SCML2: variants seen among roughly 807,000 people sequenced by gnomAD.
The protein encoded by SCML2 is Scm polycomb group protein like 2, also known as sex comb on midleg-like protein 2.
In SCML2, 6 loss-of-function variants were observed where a neutral mutation model predicts 48.4. The observed-to-expected ratio is 0.12, with a 90% CI of 0.07 to 0.24. The LOEUF is 0.24. Among genes scored for constraint, SCML2 ranks in the 10% least tolerant of loss-of-function variants. SCML2 has a pLI of 1.00. For synonymous variants in SCML2, 181 were observed against 189.5 expected, an observed-to-expected ratio of 0.95 and a Z score of 0.37; for missense variants, 377 against 528.2, an observed-to-expected ratio of 0.71 and a Z score of 2.81.
At chrX:18,345,352 C>T (rs1472723732) in intron 1 of SCML2, among the ~76,000 whole-genome samples, 1 of 111,589 alleles carries the variant, frequency 9.0e-6, no homozygotes, top group African/African-American at 3.3e-5. Context: ...CTATAGGCTG[C>T]TTGTATCTAA....
intron 7 of SCML2, among the ~76,000 whole-genome samples, chrX:18,294,441 G>A (rs1045891727): frequency 1.8e-5 from 2 of 110,963 alleles, no homozygotes; most frequent in African/African-American, 6.6e-5. Context: ...GCCAGCCCTA[G>A]CCACAGAAAA....
chrX:18,336,030 C>A (rs1430432959), intron 1 of SCML2, among the ~76,000 whole-genome samples: 2 of 112,140 alleles, frequency 1.8e-5, no homozygotes, highest in African/African-American at 6.5e-5. Flanking sequence ...ATAGGATATA[C>A]AAATTAGATC....
At chrX:18,246,301 C>T (rs1026126718) in intron 13 of SCML2, among the ~76,000 whole-genome samples, 12 of 111,810 alleles carry the variant, frequency 1.1e-4, no homozygotes, top group Non-Finnish European at 5.6e-5. Flanking sequence ...AGACGGTACC[C>T]AAGGAAATGA....
chrX:18,245,833 G>A (rs1490395538), intron 13 of SCML2, among the ~76,000 whole-genome samples: 4 of 111,767 alleles, frequency 3.6e-5, no homozygotes, highest in South Asian at 3.8e-4. Flanking sequence ...TCTGCCTCCC[G>A]GGTTCAAGTG....
At chrX:18,250,661 G>A (rs751558279) in intron 11 of SCML2, among the ~76,000 whole-genome samples, 83 of 110,566 alleles carry the variant, frequency 7.5e-4, no homozygotes, top group Non-Finnish European at 1.4e-3. Flanking sequence ...GGGATTACAG[G>A]TGTGAGCCAC....
intron 1 of SCML2, among the ~76,000 whole-genome samples, chrX:18,347,576 A>C (rs781323275): frequency 6.2e-4 from 66 of 106,888 alleles, no homozygotes; most frequent in African/African-American, 2.2e-3. Flanking sequence ...ACATGGCAAA[A>C]CCCCGTCTGC....
At chrX:18,304,388 G>C (rs750201548) in intron 7 of SCML2, among the ~76,000 whole-genome samples, 1 of 111,499 alleles carries the variant, frequency 9.0e-6, no homozygotes, top group African/African-American at 3.3e-5. Flanking sequence ...ATATCTAGAA[G>C]ATCATAGTAC....
At chrX:18,331,044 G>A (rs1929638693) in intron 2 of SCML2, among the ~76,000 whole-genome samples, 1 of 109,607 alleles carries the variant, frequency 9.1e-6, no homozygotes, top group Non-Finnish European at 1.9e-5. Flanking sequence ...CAGATCACAT[G>A]AGGTCACGAG....
At chrX:18,246,963 G>T (rs1225682614) in intron 12 of SCML2, 135 bp from the exon 13 acceptor site, 1 of 625,178 alleles carries the variant, frequency 1.6e-6, no homozygotes, top group Non-Finnish European at 2.4e-6. Flanking sequence ...CTAACACAAA[G>T]TTCATGGCTA....
intron 1 of SCML2, among the ~76,000 whole-genome samples, chrX:18,342,026 A>C (rs1193899627): frequency 8.9e-6 from 1 of 112,110 alleles, no homozygotes. Flanking sequence ...CAGACAGCAC[A>C]GCTCTTTCTG....
At chrX:18,349,989 G>A (rs1055468305) in intron 1 of SCML2, among the ~76,000 whole-genome samples, 2 of 111,970 alleles carry the variant, frequency 1.8e-5, no homozygotes, top group East Asian at 2.8e-4. Context: ...TTGGCAGGGC[G>A]AGGTGGCTCA....
chrX:18,315,783 T>C (rs1929103239), intron 6 of SCML2, among the ~76,000 whole-genome samples: 1 of 111,876 alleles, frequency 8.9e-6, no homozygotes, highest in Non-Finnish European at 1.9e-5. Flanking sequence ...ACCTTCCTTG[T>C]TTTGCCTTTA....
intron 9 of SCML2, 70 bp from the exon 10 acceptor site, chrX:18,258,317 TAATC>T (rs1204197741): frequency 1.3e-6 from 1 of 796,701 alleles, no homozygotes; most frequent in African/African-American, 2.0e-5. Context: ...AAACACTACA[TAATC>T]AATTACTATA....
At chrX:18,324,582 T>A (rs972618219) in intron 4 of SCML2, among the ~76,000 whole-genome samples, 1 of 112,140 alleles carries the variant, frequency 8.9e-6, no homozygotes, top group Non-Finnish European at 1.9e-5. Flanking sequence ...TGGCTTTGGA[T>A]GTTCTCTCTG....
Position 18,315,691 on chromosome X carries a change from T to C in SCML2, c.486+4641A>G, listed in dbSNP as rs773516144. ...AAGAATACTCCTGCAAGGACATCTA[T>C]CCAGTAACCGTTCAACCCCAGATAC... On this transcript the variant is annotated intron_variant, in intron 6 of 14. Coordinates refer to ENST00000251900, the MANE Select transcript of SCML2 (RefSeq NM_006089.3). 3.6e-5 allele frequency among the ~76,000 whole-genome samples: 4 copies of C among 111,617 alleles called. No homozygotes were observed. In the East Asian group the frequency reaches 1.1e-3, roughly 31 times the overall value.
At chrX:18,341,143 A>C in intron 1 of SCML2, 1 of 227,736 alleles carries the variant, frequency 4.4e-6, no homozygotes, top group Non-Finnish European at 8.2e-6. Flanking sequence ...CTGGCAGGGA[A>C]TGCGGAAGGG....
At chrX:18,317,675 A>G (rs1160496601) in intron 6 of SCML2, among the ~76,000 whole-genome samples, 1 of 109,551 alleles carries the variant, frequency 9.1e-6, no homozygotes, top group Non-Finnish European at 1.9e-5. Context: ...TACTAAAAAA[A>G]TACAAAAAAT....
At chrX:18,271,658 C>T (rs1410390680) in intron 7 of SCML2, among the ~76,000 whole-genome samples, 3 of 109,594 alleles carry the variant, frequency 2.7e-5, no homozygotes, top group Non-Finnish European at 5.7e-5. Context: ...GAGATGCTCC[C>T]CCACCCCCCT....
In SCML2 at chrX:18,324,066, T is replaced by C; in HGVS notation, c.190A>G (p.Lys64Glu). 8.3e-7 allele frequency: 1 copy of C among 1,207,198 alleles called. No individual in the cohort carries two copies. The highest frequency in any genetic ancestry group is 1.1e-6 in the Non-Finnish European group (1 of 891,691). The part of the protein sequence containing the change: ...QSQIPPVNDF[K>E]VGMKLEARDP... ...CGGGCTTCCAATTTCATACCAACTT[T>C]GAAATCATTCACAGGTGGAATCTGA... Residue 64 changes from lysine to glutamate, a missense_variant, in exon 5 of 15, where the codon AAA (lysine) becomes GAA (glutamate). Physicochemically the swap from Lys to Glu is moderately conservative, Grantham distance 56 (BLOSUM62 1). Transcript: ENST00000251900.
Sources: allele counts gnomAD v4.1 joint callset (sites outside exome capture counted in the v4.1 genomes callset), GRCh38; gene constraint gnomAD v4.1.1; transcripts MANE v1.5; gene names NCBI Gene and HGNC (gene_info 2026-07-23, HGNC 2026-07-21).